Variants in CEP85L observed in about 807,000 individuals in gnomAD.
The protein encoded by CEP85L is centrosomal protein of 85 kDa-like.
CEP85L carries 60 observed loss-of-function variants against 100.3 expected under a neutral mutation model. The ratio of observed to expected loss-of-function variants is 0.60; its 90% CI spans 0.49 to 0.74. The LOEUF (loss-of-function observed/expected upper bound fraction) is 0.74. Ranked by LOEUF, CEP85L falls within the 30% of genes least tolerant of loss-of-function variation. The pLI is 0.00. For synonymous variants in CEP85L, 319 were observed against 322.7 expected (o/e 0.99, Z 0.12); for missense variants, 973 against 936.2 (o/e 1.04, Z -0.51).
At position 118,462,742 on chromosome 6, in the gene CEP85L, A is replaced by G. The variant is rs558622546; in HGVS notation, c.*2663T>C. On this transcript the variant is annotated 3_prime_UTR_variant, in exon 13 of 13. Transcript: ENST00000368491. ...TCTAGTGTTGCTATTTGCCCATCTT[A>G]TTTGGTCTAACAGTAAAATCTGTTT... 1 of 152,072 alleles carries G rather than the reference A, an allele frequency of 6.6e-6. No individual in the cohort carries two copies. Among genetic ancestry groups the G allele is most frequent in the African/African-American group, 2.4e-5 (1 of 41,540 alleles). 9.4% of individuals were successfully genotyped at this position (152,072 alleles called of 1,614,324 possible). A position where few individuals can be genotyped will look rare whatever the true frequency, so the allele number is the denominator to read the frequency against.
At chr6:118,528,215 C>T (rs12198126) in intron 3 of CEP85L, among the ~76,000 whole-genome samples, 1 of 143,074 alleles carries the variant, frequency 7.0e-6, no homozygotes, top group Non-Finnish European at 1.5e-5. Flanking sequence ...TTTTCTTTTT[C>T]TTTTTTTTTT....
At position 118,464,370 on chromosome 6, in the gene CEP85L, A is replaced by G. The variant is rs1282231956; in HGVS notation, c.*1035T>C. On this transcript the variant is annotated 3_prime_UTR_variant, in exon 13 of 13. Coordinates refer to ENST00000368491, the MANE Select transcript of CEP85L (RefSeq NM_001042475.3). The stretch of plus-strand genomic sequence containing the variant: ...ACTTTAACAAAAGGGATTAAAATAC[A>G]ATCTCAATTAAAAAATGTTTATGCT... 1 of 152,158 alleles carries G rather than the reference A, an allele frequency of 6.6e-6. No homozygotes were observed. Among genetic ancestry groups the G allele is most frequent in the Non-Finnish European group, 1.5e-5 (1 of 67,994 alleles). The allele number at this position is 152,158 out of a possible 1,614,324, so 9.4% of individuals were successfully genotyped here.
At chr6:118,535,742 G>T (rs947274974) in intron 3 of CEP85L, among the ~76,000 whole-genome samples, 1 of 152,074 alleles carries the variant, frequency 6.6e-6, no homozygotes, top group African/African-American at 2.4e-5. Context: ...TTGTGTTCCA[G>T]TAATCCTTAT....
At chr6:118,608,387 C>T (rs866215671) in intron 2 of CEP85L, among the ~76,000 whole-genome samples, 2 of 151,772 alleles carry the variant, frequency 1.3e-5, no homozygotes, top group Non-Finnish European at 1.5e-5. Flanking sequence ...CCCAGCTACT[C>T]GGGAGGCTGA....
At chr6:118,547,328 C>T (rs1778266099) in intron 3 of CEP85L, among the ~76,000 whole-genome samples, 1 of 152,124 alleles carries the variant, frequency 6.6e-6, no homozygotes, top group Non-Finnish European at 1.5e-5. Flanking sequence ...ATCTCACTTA[C>T]TAGCATCTCA....
At chr6:118,515,870 G>C (rs1776242802) in intron 4 of CEP85L, among the ~76,000 whole-genome samples, 1 of 152,072 alleles carries the variant, frequency 6.6e-6, no homozygotes. Flanking sequence ...ATCTACATTA[G>C]GTATTTCTCC....
At chr6:118,524,923 C>T (rs1776877597) in intron 3 of CEP85L, among the ~76,000 whole-genome samples, 1 of 152,204 alleles carries the variant, frequency 6.6e-6, no homozygotes, top group Non-Finnish European at 1.5e-5. Context: ...GAGGAGCCTG[C>T]TCTCTTCAGC....
intron 10 of CEP85L, among the ~76,000 whole-genome samples, chr6:118,476,400 A>G (rs1028020732): frequency 2.0e-5 from 3 of 152,164 alleles, no homozygotes; most frequent in African/African-American, 7.2e-5. Flanking sequence ...AAGCAATTTT[A>G]CAGAAGTAAA....
At chr6:118,468,932 G>A (rs984136231) in intron 12 of CEP85L, 140 bp downstream of exon 12, 7 of 623,882 alleles carry the variant, frequency 1.1e-5, no homozygotes, top group Non-Finnish European at 1.7e-5. Context: ...GTAATAACAG[G>A]TATACATAAA....
chr6:118,687,661 T>C (rs62423963), intron 1 of CEP85L, among the ~76,000 whole-genome samples: 33,876 of 152,102 alleles, frequency 0.22, 4,830 homozygotes, highest in Non-Finnish European at 0.32. Context: ...TCCCCTCCCT[T>C]TGTATGGGAG....
chr6:118,533,043 G>T (rs1179876112), intron 3 of CEP85L, among the ~76,000 whole-genome samples: 1 of 151,866 alleles, frequency 6.6e-6, no homozygotes, highest in Non-Finnish European at 1.5e-5. Context: ...AGTTATATTA[G>T]AAAAAGGGAA....
intron 8 of CEP85L, among the ~76,000 whole-genome samples, 191 bp from the exon 9 acceptor site, chr6:118,480,704 A>T (rs562297450): frequency 6.6e-6 from 1 of 152,282 alleles, no homozygotes; most frequent in African/African-American, 2.4e-5. Context: ...ATAGTTAGCT[A>T]GAGGCTGATC....
At position 118,603,112 on chromosome 6, in the gene CEP85L, G is replaced by A. The variant is rs115176577; in HGVS notation, c.232+29341C>T. Among the ~76,000 whole-genome samples, 407 of 152,186 alleles carry A rather than the reference G, an allele frequency of 2.7e-3. 2 individuals are homozygous for A. The highest frequency in any genetic ancestry group is 9.2e-3 in the African/African-American group (382 of 41,516). On this transcript the variant is annotated intron_variant, in intron 2 of 12. Transcript: ENST00000368491. ...TGAGATTACAGGTGTGAGCCACCAC[G>A]CCAGGCCCCAGATAAGACTTTTTAA...
chr6:118,465,561 G>T lies in CEP85L; in HGVS notation c.2262C>A (p.Asn754Lys), dbSNP rs1772451100. 4.4e-6 allele frequency: 7 copies of T among 1,608,546 alleles called. No homozygotes were observed. In the South Asian group the frequency reaches 6.7e-5, roughly 15 times the overall value. Residue 754 changes from asparagine (N) to lysine (K), a missense_variant, in exon 13 of 13, where the codon AAC becomes AAA. Coordinates refer to ENST00000368491, the MANE Select transcript of CEP85L (RefSeq NM_001042475.3). ...LSLLLGIRSM[N>K]CSAEETENDH... ...CATTCTCAGTCTCTTCAGCTGAACA[G>T]TTCATTGCTGTGTAAATAAAACATA...
At chr6:118,502,421 C>A in intron 5 of CEP85L, 1 of 527,754 alleles carries the variant, frequency 1.9e-6, no homozygotes, top group Non-Finnish European at 3.7e-6. Context: ...ATTCCAGGGC[C>A]CTATAAGAGT....
At position 118,600,463 on chromosome 6, in the gene CEP85L, A is replaced by C. The variant is rs945486357; in HGVS notation, c.232+31990T>G. On this transcript the variant is annotated intron_variant, in intron 2 of 12. Coordinates refer to ENST00000368491, the MANE Select transcript of CEP85L (RefSeq NM_001042475.3). ...AGCCCCTCTGCTGTAGGTGGGACTC[A>C]GGCACTTGCCACCAGGCCCAGCTAA... 1.3e-4 allele frequency among the ~76,000 whole-genome samples: 20 copies of C among 151,540 alleles called. No individual in the cohort carries two copies. The East Asian group carries it at 3.9e-3, about 29-fold the overall frequency.
intron 5 of CEP85L, among the ~76,000 whole-genome samples, chr6:118,497,072 C>G (rs1774973114): frequency 6.6e-6 from 1 of 152,102 alleles, no homozygotes; most frequent in Non-Finnish European, 1.5e-5. Context: ...ATAAAAAAAC[C>G]CGAACTGGGA....
intron 1 of CEP85L, among the ~76,000 whole-genome samples, chr6:118,693,661 C>G (rs1212308483): frequency 6.6e-6 from 1 of 152,188 alleles, no homozygotes; most frequent in Non-Finnish European, 1.5e-5. Flanking sequence ...GTTGTGCACC[C>G]AGAGATACAA....
At chr6:118,545,003 T>G (rs1385674647) in intron 3 of CEP85L, among the ~76,000 whole-genome samples, 1 of 148,460 alleles carries the variant, frequency 6.7e-6, no homozygotes, top group East Asian at 1.9e-4. Flanking sequence ...CCTCAAGAGA[T>G]AGGTAAAATC....
Sources: allele counts gnomAD v4.1 joint callset (sites outside exome capture counted in the v4.1 genomes callset), GRCh38; gene constraint gnomAD v4.1.1; transcripts MANE v1.5; gene names NCBI Gene and HGNC (gene_info 2026-07-23, HGNC 2026-07-21).